The following ITIH4 variants were observed in gnomAD, a reference collection of about 807,000 sequenced individuals.
ITIH4 encodes inter-alpha-trypsin inhibitor heavy chain H4.
A neutral mutation model predicts 111.8 loss-of-function variants in ITIH4; 79 were observed. The ratio of observed to expected loss-of-function variants is 0.71; its 90% confidence interval spans 0.59 to 0.85. ITIH4 has a LOEUF of 0.85. ITIH4 is among the 40% of genes least tolerant of loss of function. The probability of loss-of-function intolerance (pLI) is 0.00; values close to 1 mark genes in which losing one functional copy is unlikely to be tolerated. For missense variants in ITIH4, 1,065 were observed against 1,195.8 expected, an observed-to-expected ratio of 0.89 and a Z score of 1.61; for synonymous variants, 472 against 468.3, an observed-to-expected ratio of 1.01 and a Z score of -0.10.
intron 6 of ITIH4, 84 bp from the exon 7 acceptor site, chr3:52,825,042 G>T (rs1399121784): frequency 1.1e-6 from 1 of 902,790 alleles, no homozygotes; most frequent in Non-Finnish European, 1.7e-6. Flanking sequence ...CAAATTCTGG[G>T]TTTCTGTGCT....
intron 11 of ITIH4, chr3:52,823,328 C>A (rs1361719885): frequency 3.6e-6 from 2 of 555,422 alleles, no homozygotes; most frequent in South Asian, 4.7e-5. Context: ...GGAATCCCTG[C>A]CCTCACCTGT....
chr3:52,813,626 G>A, intron 23 of ITIH4, 136 bp from the exon 24 acceptor site: 1 of 761,592 alleles, frequency 1.3e-6, no homozygotes, highest in Admixed American at 2.1e-5. Context: ...TCCAGCATAG[G>A]CCAACAAGGC....
chr3:52,814,232 G>C lies in ITIH4; in HGVS notation c.2603C>G (p.Ser868Cys). 1 of 1,613,556 alleles carries C rather than the reference G, an allele frequency of 6.2e-7. No homozygotes were observed. The highest frequency in any genetic ancestry group is 1.6e-4 in the Middle Eastern group (1 of 6,062). ...ACCAAGGGTCCCTCCAACGTGGCTG[G>C]AGAAGCGGTCAGTGTCACGCAGAAG... Reference protein sequence around the residue: ...RLLLRDTDRFSSHVGGTLGQF... With the variant: ...RLLLRDTDRFCSHVGGTLGQF... The change falls in exon 22 of 24, where the codon TCC becomes TGC. Residue 868 changes from serine (S) to cysteine (C), a missense_variant. Coordinates refer to ENST00000266041, the MANE Select transcript of ITIH4 (RefSeq NM_002218.5).
chr3:52,830,485 G>A (rs745900831), intron 1 of ITIH4, 68 bp downstream of exon 1: 3 of 1,432,884 alleles, frequency 2.1e-6, no homozygotes, highest in Admixed American at 1.7e-5. Context: ...CACATGCGGA[G>A]GCTCTTCCCC....
At chr3:52,815,246 CTTTTTTT>C (rs59772931) in intron 21 of ITIH4, among the ~76,000 whole-genome samples, 6 of 139,120 alleles carry the variant, frequency 4.3e-5, no homozygotes, top group South Asian at 2.3e-4. Context: ...TTTCTTTTTT[CTTTTTTT>C]TTTTTTTTGA....
At chr3:52,825,125 C>T (rs1240864474) in intron 6 of ITIH4, 167 bp from the exon 7 acceptor site, 1 of 449,532 alleles carries the variant, frequency 2.2e-6, no homozygotes, top group East Asian at 3.4e-5. Flanking sequence ...TCAGACCAGC[C>T]CCTTTCTTGC....
chr3:52,820,212 A>G (rs1700354836), intron 14 of ITIH4, 79 bp downstream of exon 14: 1 of 1,593,040 alleles, frequency 6.3e-7, no homozygotes, highest in Non-Finnish European at 8.6e-7. Context: ...CTGGCCAGCA[A>G]CCTCACAGGG....
At chr3:52,819,300 G>C in intron 17 of ITIH4, 93 bp downstream of exon 17, 1 of 1,454,830 alleles carries the variant, frequency 6.9e-7, no homozygotes, top group Middle Eastern at 2.2e-4. Context: ...GCCTGGCCCT[G>C]TGGTGCGTGC....
At chr3:52,829,672 T>C (rs1700537842) in intron 1 of ITIH4, among the ~76,000 whole-genome samples, 2 of 152,140 alleles carry the variant, frequency 1.3e-5, no homozygotes, top group Admixed American at 1.3e-4. Flanking sequence ...TCAGGGAGCT[T>C]TGCATGCTGG....
chr3:52,815,769 T>C (rs572806713), intron 21 of ITIH4, among the ~76,000 whole-genome samples: 28 of 152,182 alleles, frequency 1.8e-4, no homozygotes, highest in African/African-American at 6.7e-4. Flanking sequence ...CTCAGCTCAC[T>C]GCAACCTCCA....
At position 52,818,519 on chromosome 3, in the gene ITIH4, G is replaced by T. The variant is rs778042451; in HGVS notation, c.2095C>A (p.Pro699Thr). The T allele has an allele frequency of 6.2e-7, 1 of 1,605,664 alleles. No individual in the cohort carries two copies. The highest frequency in any genetic ancestry group is 2.2e-5 in the East Asian group (1 of 44,518). ...RLAILPASAPPATSNPDPAVS... is the reference protein window; with the variant it reads ...RLAILPASAPTATSNPDPAVS... ...GCTGGATCAGGATTTGAGGTGGCTGGTGGTGCTGAAGCAGGCACTAGGGCA... is the reference window on the plus strand; with the variant it reads ...GCTGGATCAGGATTTGAGGTGGCTGTTGGTGCTGAAGCAGGCACTAGGGCA... Residue 699 changes from proline (P) to threonine (T), a missense_variant, in exon 18 of 24, where the codon CCA (proline) becomes ACA (threonine). Transcript: ENST00000266041.
intron 6 of ITIH4, chr3:52,825,274 T>G (rs1222362847): frequency 5.3e-6 from 1 of 187,570 alleles, no homozygotes; most frequent in Non-Finnish European, 1.1e-5. Flanking sequence ...AGGGAAGACT[T>G]CAAAAACATG....
At position 52,825,869 on chromosome 3, in the gene ITIH4, G is replaced by C. The variant is rs767765117; in HGVS notation, c.759+17C>G. On this transcript the variant is annotated intron_variant, in intron 6 of 23. Coordinates refer to ENST00000266041, the MANE Select transcript of ITIH4 (RefSeq NM_002218.5). ...CAGACTTCTAGGCTGCTCTGCTCTTGCCTGAAGTCCACCCACCTGAATGGA... is the reference window on the plus strand; with the variant it reads ...CAGACTTCTAGGCTGCTCTGCTCTTCCCTGAAGTCCACCCACCTGAATGGA... 1.9e-6 allele frequency: 3 copies of C among 1,611,918 alleles called. No individual in the cohort carries two copies. The highest frequency in any genetic ancestry group is 3.3e-5 in the Admixed American group (2 of 59,884).
In ITIH4 at chr3:52,815,971, C is replaced by G. The variant is rs546584660; in HGVS notation, c.2471+913G>C. 3.3e-5 allele frequency among the ~76,000 whole-genome samples: 5 copies of G among 152,342 alleles called. No individual in the cohort carries two copies. In the East Asian group the frequency reaches 9.6e-4, roughly 29 times the overall value. ...AAAGTGCTGGGATTACAGGCGTGAG[C>G]CACCACACCGGGCGTAGATCTTTTA... is the stretch of plus-strand genomic sequence containing the variant. On this transcript the variant is annotated intron_variant, in intron 21 of 23. Transcript: ENST00000266041.
At chr3:52,821,978 A>G (rs1026434467) in intron 11 of ITIH4, among the ~76,000 whole-genome samples, 5 of 152,220 alleles carry the variant, frequency 3.3e-5, no homozygotes, top group African/African-American at 1.2e-4. Context: ...ACATACAGCT[A>G]TTTAATTGAT....
intron 17 of ITIH4, chr3:52,818,813 A>T: frequency 2.0e-6 from 1 of 493,312 alleles, no homozygotes; most frequent in Non-Finnish European, 3.6e-6. Context: ...CTCCCTTCCT[A>T]GAAGGTTTCC....
At position 52,819,972 on chromosome 3, in the gene ITIH4, T is replaced by C. The variant is rs1700349267; in HGVS notation, c.1880A>G (p.Tyr627Cys). The change falls in exon 15 of 24, where the codon TAT becomes TGT. Residue 627 changes from tyrosine to cysteine, a missense_variant. Transcript: ENST00000266041. ...NVHSGSTFFK[Y>C]YLQGAKIPKP... is the part of the protein sequence containing the mutation. ...TGGTATTTTTGCTCCCTGGAGATAA[T>C]ATTTGAAGAAAGTGGAACCTGGAAA... 2 of 1,614,070 alleles carry C rather than the reference T, an allele frequency of 1.2e-6. No individual in the cohort carries two copies. The highest frequency in any genetic ancestry group is 1.3e-5 in the African/African-American group (1 of 75,030).
chr3:52,829,443 A>G (rs920676632), intron 1 of ITIH4, among the ~76,000 whole-genome samples, 164 bp from the exon 2 acceptor site: 1 of 152,226 alleles, frequency 6.6e-6, no homozygotes, highest in Non-Finnish European at 1.5e-5. Flanking sequence ...GAGGCATCTC[A>G]TATGTGAACA....
At chr3:52,823,530 T>G (rs1003525801) in intron 11 of ITIH4, 26 bp downstream of exon 11, 6 of 1,567,182 alleles carry the variant, frequency 3.8e-6, no homozygotes, top group Non-Finnish European at 5.2e-6. Flanking sequence ...GCCATTCCCC[T>G]CCAGGGTGGC....
Sources: gnomAD v4.1 joint callset for allele counts (sites outside exome capture counted in the v4.1 genomes callset) on GRCh38, gnomAD v4.1.1 for gene constraint, MANE v1.5 for transcripts, NCBI Gene and HGNC (gene_info 2026-07-23, HGNC 2026-07-21) for gene names.